The following C12orf42 variants were observed in gnomAD, a reference collection of about 807,000 sequenced individuals.
C12orf42 encodes chromosome 12 open reading frame 42.
A neutral mutation model predicts 21.6 loss-of-function variants in C12orf42; 25 were observed. The ratio of observed to expected loss-of-function variants is 1.16; its 90% CI spans 0.84 to 1.62. C12orf42 has a LOEUF of 1.62. Ranked by LOEUF, C12orf42 falls within the 40% of genes most tolerant of loss-of-function variation. C12orf42 has a pLI of 0.00. For missense variants in C12orf42, 483 were observed against 459.3 expected (o/e 1.05, Z -0.47); for synonymous variants, 174 against 175.0 (o/e 0.99, Z 0.05).
At chr12:103,384,108 T>C (rs1161039729) in intron 3 of C12orf42, among the ~76,000 whole-genome samples, 1 of 152,196 alleles carries the variant, frequency 6.6e-6, no homozygotes, top group African/African-American at 2.4e-5. Context: ...GATCTTCCAA[T>C]GACAACTTCA....
In C12orf42 at chr12:103,309,623, CA is replaced by C. The variant is rs5800582; in HGVS notation, c.260-3279del. On this transcript the variant is annotated intron_variant, in intron 4 of 5. Transcript: ENST00000548883. ...ATCATTAATACCAGCTCTTTTCACT[CA>C]AAAAAAAAAAGTGTCCAGATTTGAG... 2.8e-3 allele frequency among the ~76,000 whole-genome samples: 398 copies of C among 142,278 alleles called. 1 individual carries two copies. The highest frequency in any genetic ancestry group is 6.9e-3 in the African/African-American group (270 of 39,302). The allele number at this position is 142,278 out of a possible 152,430, so 93.3% of individuals were successfully genotyped here.
intron 10 of C12orf42, among the ~76,000 whole-genome samples, chr12:103,246,478 T>A (rs1232403586): frequency 6.6e-6 from 1 of 152,012 alleles, no homozygotes; most frequent in South Asian, 2.1e-4. Context: ...AGTCAAATGA[T>A]CTTATGCCAT....
At chr12:103,487,261 A>T (rs955280528) in intron 1 of C12orf42, among the ~76,000 whole-genome samples, 1 of 152,096 alleles carries the variant, frequency 6.6e-6, no homozygotes, top group African/African-American at 2.4e-5. Flanking sequence ...GTAGTTGTGC[A>T]GTTTTGAGTG....
At chr12:103,164,550 C>A in the C12orf42 span, 1 of 434,112 alleles carries the variant, frequency 2.3e-6, no homozygotes, top group Non-Finnish European at 4.7e-6. Flanking sequence ...GTCTAAGGCA[C>A]AGGGGGTGGG....
chr12:103,465,214 T>C (rs1444696226), intron 2 of C12orf42, among the ~76,000 whole-genome samples: 1 of 152,194 alleles, frequency 6.6e-6, no homozygotes, highest in Non-Finnish European at 1.5e-5. Flanking sequence ...TTCAAGACAT[T>C]GATTCTTCCT....
the C12orf42 span, among the ~76,000 whole-genome samples, chr12:103,078,485 C>G: frequency 6.6e-6 from 1 of 152,140 alleles, no homozygotes; most frequent in Non-Finnish European, 1.5e-5. Flanking sequence ...AGAGCTACCA[C>G]CTAAAGGACC....
chr12:103,506,906 T>A, the C12orf42 span, among the ~76,000 whole-genome samples: 13 of 35,576 alleles, frequency 3.7e-4, no homozygotes, highest in South Asian at 2.1e-3. Flanking sequence ...ATTTATATAT[T>A]ATATATATAT....
the C12orf42 span, among the ~76,000 whole-genome samples, chr12:103,122,724 A>T: frequency 6.6e-6 from 1 of 152,192 alleles, no homozygotes; most frequent in Non-Finnish European, 1.5e-5. Context: ...GGTCTACAGC[A>T]GGGGCAGTTG....
At chr12:103,426,725 A>G (rs1206191440) in intron 2 of C12orf42, among the ~76,000 whole-genome samples, 2 of 152,246 alleles carry the variant, frequency 1.3e-5, no homozygotes, top group Admixed American at 1.3e-4. Flanking sequence ...CAAGTTACCA[A>G]CAAAGGGAAG....
At chr12:103,269,045 G>A (rs902840039) in intron 6 of C12orf42, 2 of 152,128 alleles carry the variant, frequency 1.3e-5, no homozygotes, top group Middle Eastern at 3.2e-3. Context: ...CTGTGAGGGA[G>A]AGTAACCACA....
chr12:103,558,420 G>A, the C12orf42 span: 1 of 152,220 alleles, frequency 6.6e-6, no homozygotes, highest in Non-Finnish European at 1.5e-5. Context: ...TCTGTTCCCA[G>A]AATGGATCCA....
At chr12:103,210,601 T>C in the C12orf42 span, among the ~76,000 whole-genome samples, 2 of 149,338 alleles carry the variant, frequency 1.3e-5, no homozygotes, top group African/African-American at 2.4e-5. Context: ...TCTGCTACCA[T>C]TGGTAATATC....
chr12:103,466,129 G>A lies in C12orf42; in HGVS notation c.78+12220C>T, dbSNP rs1321485060. ...CTGGTCTCATAAAATGACTTAGGGA[G>A]GTGTCACTCCTTTTCAGTTGTTCGG... On this transcript the variant is annotated intron_variant, in intron 2 of 5. Transcript: ENST00000548883. 2.6e-5 allele frequency among the ~76,000 whole-genome samples: 4 copies of A among 152,128 alleles called. No homozygotes were observed. The East Asian group carries it at 5.8e-4, about 22-fold the overall frequency.
the C12orf42 span, among the ~76,000 whole-genome samples, chr12:103,183,322 C>T: frequency 3.9e-5 from 6 of 152,228 alleles, no homozygotes; most frequent in Admixed American, 3.9e-4. Context: ...TGTCATGATC[C>T]ACCCGCCTTG....
chr12:103,097,322 T>C, the C12orf42 span, among the ~76,000 whole-genome samples: 19 of 152,196 alleles, frequency 1.2e-4, no homozygotes, highest in Non-Finnish European at 2.1e-4. Context: ...GAGCTATATA[T>C]AGCACTCTCC....
chr12:103,148,944 T>C, the C12orf42 span, among the ~76,000 whole-genome samples: 2 of 152,206 alleles, frequency 1.3e-5, no homozygotes, highest in African/African-American at 4.8e-5. Context: ...TAACATGTCT[T>C]GATACAAATT....
At chr12:103,228,672 A>G in the C12orf42 span, among the ~76,000 whole-genome samples, 2,773 of 152,118 alleles carry the variant, frequency 0.018, 74 homozygotes, top group African/African-American at 0.063. Flanking sequence ...ATCTTGAAAT[A>G]CTTTCTATAC....
the C12orf42 span, among the ~76,000 whole-genome samples, chr12:103,516,207 C>A: frequency 2.0e-5 from 3 of 152,142 alleles, no homozygotes; most frequent in African/African-American, 7.2e-5. Flanking sequence ...TCAAAGAAGC[C>A]ACTATCACTT....
the C12orf42 span, among the ~76,000 whole-genome samples, chr12:103,514,573 G>A: frequency 4.5e-3 from 679 of 152,198 alleles, 6 homozygotes; most frequent in African/African-American, 0.016. Flanking sequence ...TCATAAGAAC[G>A]TTGGCTTTTA....
Sources: gnomAD v4.1 joint callset for allele counts (sites outside exome capture counted in the v4.1 genomes callset) on GRCh38, gnomAD v4.1.1 for gene constraint, MANE v1.5 for transcripts, NCBI Gene and HGNC (gene_info 2026-07-23, HGNC 2026-07-21) for gene names.